Variants in ARL15 observed in about 807,000 individuals in gnomAD.
The protein encoded by ARL15 is ARF like GTPase 15.
A neutral mutation model predicts 25.2 loss-of-function variants in ARL15; 19 were observed. The observed-to-expected ratio is 0.75, with a 90% CI of 0.53 to 1.10. ARL15 has a LOEUF of 1.10. Ranked by LOEUF, ARL15 falls within the 50% of genes least tolerant of loss-of-function variation. The pLI is 0.00. For missense variants in ARL15, 220 were observed against 246.0 expected, an observed-to-expected ratio of 0.89 and a Z score of 0.71; for synonymous variants, 94 against 86.8, an observed-to-expected ratio of 1.08 and a Z score of -0.46.
chr5:54,231,235 TG>T (rs1756662644), intron 1 of ARL15, among the ~76,000 whole-genome samples: 1 of 152,146 alleles, frequency 6.6e-6, no homozygotes, highest in South Asian at 2.1e-4. Context: ...CCTAGAAACC[TG>T]GAAGTCCTGA....
chr5:54,292,847 A>G (rs1579988230), intron 1 of ARL15, among the ~76,000 whole-genome samples: 1 of 152,326 alleles, frequency 6.6e-6, no homozygotes, highest in East Asian at 1.9e-4. Flanking sequence ...CGAGGCTAGC[A>G]AGTGGCAGAA....
At chr5:54,259,460 T>C (rs1579958951) in intron 1 of ARL15, among the ~76,000 whole-genome samples, 1 of 152,302 alleles carries the variant, frequency 6.6e-6, no homozygotes, top group East Asian at 1.9e-4. Flanking sequence ...ATTAGCTTAT[T>C]TATCCCACAC....
intron 4 of ARL15, among the ~76,000 whole-genome samples, chr5:54,056,528 G>C (rs545035012): frequency 6.6e-6 from 1 of 151,352 alleles, no homozygotes; most frequent in Admixed American, 6.6e-5. Context: ...TACTCGGGAG[G>C]CTGAGGCAGG....
At chr5:53,974,436 T>G (rs762178799) in intron 4 of ARL15, among the ~76,000 whole-genome samples, 3 of 152,232 alleles carry the variant, frequency 2.0e-5, no homozygotes, top group Non-Finnish European at 4.4e-5. Context: ...CTGCCATATA[T>G]TGGTAGACAT....
intron 2 of ARL15, among the ~76,000 whole-genome samples, chr5:54,158,981 C>T (rs1561247136): frequency 6.6e-6 from 1 of 152,178 alleles, no homozygotes; most frequent in South Asian, 2.1e-4. Context: ...GAGGGATTCA[C>T]AGCATTTTGT....
At chr5:54,026,463 TCTCA>T (rs965296071) in intron 4 of ARL15, among the ~76,000 whole-genome samples, 232 of 152,124 alleles carry the variant, frequency 1.5e-3, no homozygotes, top group African/African-American at 5.4e-3. Context: ...AGAGATGGGG[TCTCA>T]CTATGTTGGC....
intron 1 of ARL15, among the ~76,000 whole-genome samples, chr5:54,200,341 T>C (rs539611764): frequency 2.0e-5 from 3 of 149,546 alleles, no homozygotes; most frequent in African/African-American, 7.3e-5. Flanking sequence ...ATAAAAAAAA[T>C]TTAAAAATAA....
chr5:54,021,307 C>T (rs779708245), intron 4 of ARL15, among the ~76,000 whole-genome samples: 7 of 152,126 alleles, frequency 4.6e-5, no homozygotes, highest in Non-Finnish European at 1.0e-4. Flanking sequence ...TGCACTCCAG[C>T]CTGGGCAACA....
intron 1 of ARL15, among the ~76,000 whole-genome samples, chr5:54,234,622 G>C (rs1756756098): frequency 6.6e-6 from 1 of 152,122 alleles, no homozygotes; most frequent in Admixed American, 6.5e-5. Flanking sequence ...CAGTCTCCTA[G>C]TGTCCATGTT....
chr5:54,180,994 G>T (rs551584942), intron 1 of ARL15, among the ~76,000 whole-genome samples: 3 of 152,084 alleles, frequency 2.0e-5, no homozygotes. Context: ...AGTCATCCCC[G>T]ATCAGTGGCT....
At chr5:54,082,782 G>A (rs765682447) in intron 4 of ARL15, among the ~76,000 whole-genome samples, 17 of 150,870 alleles carry the variant, frequency 1.1e-4, no homozygotes, top group Non-Finnish European at 2.5e-4. Context: ...ATATTTAGAG[G>A]GGGGAAAATT....
At chr5:53,943,829 C>T (rs575819655) in intron 4 of ARL15, among the ~76,000 whole-genome samples, 4 of 152,216 alleles carry the variant, frequency 2.6e-5, no homozygotes, top group South Asian at 2.1e-4. Context: ...GTCAAACCAG[C>T]GCTCAAAAGC....
At chr5:53,908,619 G>A (rs1745351169) in intron 4 of ARL15, among the ~76,000 whole-genome samples, 1 of 152,170 alleles carries the variant, frequency 6.6e-6, no homozygotes, top group African/African-American at 2.4e-5. Flanking sequence ...GTAGTTTCAG[G>A]CATCCACAGG....
At chr5:53,912,386 T>G (rs1361117413) in intron 4 of ARL15, among the ~76,000 whole-genome samples, 2 of 152,152 alleles carry the variant, frequency 1.3e-5, no homozygotes, top group East Asian at 1.9e-4. Flanking sequence ...CGGTTTTCAA[T>G]GAAAAATCAG....
At chr5:54,107,709 T>C (rs1040609259) in intron 4 of ARL15, among the ~76,000 whole-genome samples, 2 of 152,180 alleles carry the variant, frequency 1.3e-5, no homozygotes, top group Non-Finnish European at 2.9e-5. Flanking sequence ...TGTATGTGAC[T>C]GAAGGAAGAT....
intron 1 of ARL15, among the ~76,000 whole-genome samples, chr5:54,242,454 C>A (rs562737164): frequency 6.6e-6 from 1 of 152,136 alleles, no homozygotes; most frequent in Non-Finnish European, 1.5e-5. Context: ...GTAGGCCTGG[C>A]CAATCATAGT....
At chr5:53,937,228 T>A (rs1746377133) in intron 4 of ARL15, among the ~76,000 whole-genome samples, 1 of 151,876 alleles carries the variant, frequency 6.6e-6, no homozygotes, top group Admixed American at 6.6e-5. Flanking sequence ...AATGACAAAT[T>A]AAGTGTCTGA....
intron 4 of ARL15, among the ~76,000 whole-genome samples, chr5:54,079,998 C>T (rs985969478): frequency 2.9e-5 from 4 of 138,696 alleles, no homozygotes; most frequent in African/African-American, 8.7e-5. Flanking sequence ...CACACACACA[C>T]ACACACACAC....
chr5:53,992,051 C>A (rs894728713), intron 4 of ARL15, among the ~76,000 whole-genome samples: 1 of 152,184 alleles, frequency 6.6e-6, no homozygotes, highest in South Asian at 2.1e-4. Flanking sequence ...ATTTCCCATA[C>A]CAAATTGTTG....
Sources: allele counts gnomAD v4.1 joint callset (sites outside exome capture counted in the v4.1 genomes callset), GRCh38; gene constraint gnomAD v4.1.1; transcripts MANE v1.5; gene names NCBI Gene and HGNC (gene_info 2026-07-23, HGNC 2026-07-21).